NLRP2: variants seen among roughly 807,000 people sequenced by gnomAD.
NLRP2 encodes NLR family pyrin domain containing 2.
A neutral mutation model predicts 97.2 loss-of-function variants in NLRP2; 107 were observed. That is an observed-to-expected ratio of 1.10 (90% CI 0.94 to 1.29). The LOEUF (loss-of-function observed/expected upper bound fraction) is 1.29, where lower values mean the gene tolerates loss of function less well. NLRP2 is among the 50% of genes most tolerant of loss of function. The probability of loss-of-function intolerance (pLI) is 0.00; values close to 1 mark genes in which losing one functional copy is unlikely to be tolerated. For synonymous variants in NLRP2, 663 were observed against 551.5 expected (o/e 1.20, Z -2.83); for missense variants, 1,495 against 1,330.3 (o/e 1.12, Z -1.93).
At chr19:54,974,309 G>C in intron 2 of NLRP2, 191 bp from the exon 3 acceptor site, 1 of 633,986 alleles carries the variant, frequency 1.6e-6, no homozygotes, top group Non-Finnish European at 2.8e-6. Flanking sequence ...AGCCAAGATT[G>C]TGCCACTCCA....
chr19:54,985,748 C>G lies in NLRP2; in HGVS notation c.2202-403C>G, dbSNP rs186357148. On this transcript the variant is annotated intron_variant, in intron 7 of 12. Transcript: ENST00000448584. ...CAATGGCTCACGCCTGTAGTCCCAG[C>G]ACTTTGGGGGCCCAAGGTGGGGGGA... Among the ~76,000 whole-genome samples the G allele has an allele frequency of 2.0e-5, 3 of 150,818 alleles. No individual in the cohort carries two copies. In the East Asian group the frequency reaches 5.8e-4, roughly 29 times the overall value.
At chr19:54,997,609 C>T (rs2072906366) in intron 12 of NLRP2, 122 bp downstream of exon 12, 2 of 1,012,642 alleles carry the variant, frequency 2.0e-6, no homozygotes, top group South Asian at 2.6e-5. Context: ...CCCGCCATCA[C>T]ACCCAGCCAA....
At chr19:54,999,618 A>G (rs1419212444) in intron 12 of NLRP2, among the ~76,000 whole-genome samples, 1 of 151,902 alleles carries the variant, frequency 6.6e-6, no homozygotes, top group Non-Finnish European at 1.5e-5. Context: ...GCTATATACC[A>G]TTACAAGGTT....
chr19:54,985,677 CAAAAAAAAAA>C (rs113852885), intron 7 of NLRP2, among the ~76,000 whole-genome samples: 14 of 68,014 alleles, frequency 2.1e-4, no homozygotes, highest in African/African-American at 5.4e-4. Flanking sequence ...GACTGCGTCT[CAAAAAAAAAA>C]AAAAAAAAAA....
At chr19:54,994,083 A>T in intron 10 of NLRP2, 186 bp from the exon 11 acceptor site, 3 of 685,812 alleles carry the variant, frequency 4.4e-6, no homozygotes, top group Non-Finnish European at 7.8e-6. Context: ...CGCAGGTGCC[A>T]GGAGTTGGGA....
chr19:54,998,886 C>T lies in NLRP2; in HGVS notation c.3050+1399C>T, dbSNP rs111267537. On this transcript the variant is annotated intron_variant, in intron 12 of 12. Coordinates refer to ENST00000448584, the MANE Select transcript of NLRP2 (RefSeq NM_017852.5). ...CTGTTTAACAAAGCATATCTTGCACCGCCCTTAATCCGTTTAACTCTGAGT... is the reference window on the plus strand; with the variant it reads ...CTGTTTAACAAAGCATATCTTGCACTGCCCTTAATCCGTTTAACTCTGAGT... 4.7e-3 allele frequency among the ~76,000 whole-genome samples: 708 copies of T among 150,200 alleles called. 12 individuals carry two copies. The highest frequency in any genetic ancestry group is 0.016 in the African/African-American group (653 of 39,948).
intron 3 of NLRP2, among the ~76,000 whole-genome samples, chr19:54,976,604 C>T (rs1157359966): frequency 6.6e-6 from 1 of 152,036 alleles, no homozygotes; most frequent in Non-Finnish European, 1.5e-5. Flanking sequence ...GCCTCAGCCT[C>T]ACAAAGTACT....
intron 5 of NLRP2, 148 bp from the exon 6 acceptor site, chr19:54,982,014 G>A: frequency 1.1e-6 from 1 of 941,038 alleles, no homozygotes; most frequent in Non-Finnish European, 1.7e-6. Flanking sequence ...CCAATGTCAG[G>A]TGATCTGCCT....
At chr19:54,976,024 C>T (rs1380894615) in intron 3 of NLRP2, among the ~76,000 whole-genome samples, 2 of 151,732 alleles carry the variant, frequency 1.3e-5, no homozygotes, top group Non-Finnish European at 2.9e-5. Flanking sequence ...GCTGGGATTA[C>T]AGACATGATT....
intron 3 of NLRP2, among the ~76,000 whole-genome samples, chr19:54,977,221 A>G (rs930967641): frequency 2.6e-5 from 4 of 152,058 alleles, no homozygotes; most frequent in African/African-American, 7.2e-5. Flanking sequence ...TGGGAGTTCG[A>G]GACCAGCCTG....
intron 8 of NLRP2, among the ~76,000 whole-genome samples, chr19:54,987,751 A>AG (rs112288015): frequency 1.3e-5 from 2 of 150,886 alleles, no homozygotes; most frequent in Non-Finnish European, 3.0e-5. Flanking sequence ...AAAAAAAAAA[A>AG]AAAAATCTTG....
chr19:54,980,144 T>C (rs1487823646), intron 4 of NLRP2, among the ~76,000 whole-genome samples: 2 of 151,942 alleles, frequency 1.3e-5, no homozygotes, highest in South Asian at 4.1e-4. Context: ...ATCATCATGC[T>C]TCAGCAGGAA....
chr19:54,994,697 G>A (rs957979553), intron 11 of NLRP2, among the ~76,000 whole-genome samples: 103 of 151,298 alleles, frequency 6.8e-4, no homozygotes, highest in African/African-American at 2.4e-3. Context: ...TGCAACCTCC[G>A]CCTCCCAGGT....
Position 54,982,301 on chromosome 19 carries a change from TC to T in NLRP2, c.606del (p.Phe205SerfsTer22), listed in dbSNP as rs1166521170. 1.2e-6 allele frequency: 2 copies of T among 1,614,052 alleles called. No homozygotes were observed. The highest frequency in any genetic ancestry group is 1.7e-5 in the Admixed American group (1 of 59,998). ...LIPFSNPRVL[P>X]GPFSYTVVLY... ...TCCCATTCAGCAACCCCAGGGTGCT[TC>T]CCGGGCCCTTCTCATACACGGTGGT... On this transcript the variant is annotated frameshift_variant, in exon 6 of 13. Transcript: ENST00000448584. LOFTEE classifies it high-confidence loss of function.
intron 11 of NLRP2, among the ~76,000 whole-genome samples, chr19:54,995,640 T>A (rs1388791938): frequency 6.6e-6 from 1 of 152,054 alleles, no homozygotes; most frequent in Non-Finnish European, 1.5e-5. Flanking sequence ...ATGCTGGCTC[T>A]ATCAGCAGGT....
intron 12 of NLRP2, among the ~76,000 whole-genome samples, chr19:54,997,960 C>G (rs905329272): frequency 1.3e-5 from 2 of 151,646 alleles, no homozygotes; most frequent in Non-Finnish European, 2.9e-5. Context: ...AGCCATTTGT[C>G]ACTGGGCTGT....
At chr19:54,990,839 A>G in intron 10 of NLRP2, 167 bp downstream of exon 10, 1 of 715,696 alleles carries the variant, frequency 1.4e-6, no homozygotes, top group Non-Finnish European at 2.5e-6. Context: ...AAAAAAGTAT[A>G]AGTAGTAGTA....
Position 54,983,586 on chromosome 19 carries a change from C to T in NLRP2, c.1888C>T (p.Leu630=), listed in dbSNP as rs748514810. ...GATGGCTCAGTTCAAAGAAATATCCCTGCACTTAAATGCAGTAGACGTTGT... is the reference window on the plus strand; with the variant it reads ...GATGGCTCAGTTCAAAGAAATATCCTTGCACTTAAATGCAGTAGACGTTGT... ...EVMAQFKEIS[L]HLNAVDVVPS... is the part of the protein sequence containing the mutation. Residue 630 remains leucine, a synonymous_variant, in exon 6 of 13, where the codon CTG becomes TTG. Transcript: ENST00000448584. 1.4e-5 allele frequency: 22 copies of T among 1,614,032 alleles called. No individual in the cohort carries two copies. Among genetic ancestry groups the T allele is most frequent in the African/African-American group, 2.7e-5 (2 of 74,938 alleles).
chr19:54,987,972 A>T (rs2072209620), intron 8 of NLRP2, among the ~76,000 whole-genome samples: 1 of 152,108 alleles, frequency 6.6e-6, no homozygotes, highest in Non-Finnish European at 1.5e-5. Flanking sequence ...TGAACCTAGG[A>T]GGCAGAGGTA....
Sources: gnomAD v4.1 joint callset for allele counts (sites outside exome capture counted in the v4.1 genomes callset) on GRCh38, gnomAD v4.1.1 for gene constraint, MANE v1.5 for transcripts, NCBI Gene and HGNC (gene_info 2026-07-23, HGNC 2026-07-21) for gene names.